SPATA17: variants seen among roughly 807,000 people sequenced by gnomAD.
The protein encoded by SPATA17 is spermatogenesis-associated protein 17.
A neutral mutation model predicts 62.2 loss-of-function variants in SPATA17; 53 were observed. The observed-to-expected ratio is 0.85, with a 90% CI of 0.68 to 1.07. The LOEUF is 1.07. SPATA17 is among the 50% of genes least tolerant of loss of function. SPATA17 has a pLI of 0.00. For synonymous variants in SPATA17, 146 were observed against 146.8 expected, an observed-to-expected ratio of 0.99 and a Z score of 0.04; for missense variants, 466 against 425.5, an observed-to-expected ratio of 1.10 and a Z score of -0.84.
At chr1:217,687,996 T>A (rs939143731) in intron 5 of SPATA17, among the ~76,000 whole-genome samples, 1 of 152,204 alleles carries the variant, frequency 6.6e-6, no homozygotes, top group Admixed American at 6.5e-5. Flanking sequence ...TTAAAAAACA[T>A]CATACATATT....
chr1:217,672,345 G>T (rs1261621506), intron 4 of SPATA17, among the ~76,000 whole-genome samples: 2 of 152,174 alleles, frequency 1.3e-5, no homozygotes, highest in African/African-American at 4.8e-5. Context: ...AAGGGTAACA[G>T]ATAACTACCA....
intron 9 of SPATA17, among the ~76,000 whole-genome samples, chr1:217,829,454 C>A (rs2103001022): frequency 6.6e-6 from 1 of 151,176 alleles, no homozygotes; most frequent in Non-Finnish European, 1.5e-5. Flanking sequence ...ATGGTGAAAC[C>A]CCGTCTCTAC....
chr1:217,754,447 G>A (rs74144407), intron 6 of SPATA17, among the ~76,000 whole-genome samples: 3,455 of 152,158 alleles, frequency 0.023, 141 homozygotes, highest in African/African-American at 0.08. Flanking sequence ...AAGAAATGGG[G>A]CTGTAATAGT....
intron 3 of SPATA17, among the ~76,000 whole-genome samples, chr1:217,664,777 A>T (rs1434827026): frequency 6.6e-6 from 1 of 152,180 alleles, no homozygotes; most frequent in East Asian, 1.9e-4. Context: ...AGTTCATCCT[A>T]CTGGTTTGAA....
intron 5 of SPATA17, among the ~76,000 whole-genome samples, chr1:217,685,707 T>C (rs1364782920): frequency 6.6e-6 from 1 of 152,170 alleles, no homozygotes; most frequent in Non-Finnish European, 1.5e-5. Flanking sequence ...AATTATTCTT[T>C]TGAATTTTCA....
chr1:217,746,606 TATACTC>T (rs1672758529), intron 6 of SPATA17, among the ~76,000 whole-genome samples: 1 of 151,770 alleles, frequency 6.6e-6, no homozygotes, highest in Non-Finnish European at 1.5e-5. Flanking sequence ...GATATACTCA[TATACTC>T]ATATGCTGAT....
At chr1:217,664,037 C>A (rs1395606235) in intron 3 of SPATA17, among the ~76,000 whole-genome samples, 2 of 151,408 alleles carry the variant, frequency 1.3e-5, no homozygotes, top group Non-Finnish European at 2.9e-5. Flanking sequence ...ATAAATTAAG[C>A]CTCCAGGGCT....
At chr1:217,824,619 T>A (rs1023757255) in intron 9 of SPATA17, among the ~76,000 whole-genome samples, 3 of 151,072 alleles carry the variant, frequency 2.0e-5, no homozygotes, top group Non-Finnish European at 4.4e-5. Flanking sequence ...TTGTATATTT[T>A]AGGAACTTTT....
chr1:217,797,047 A>G (rs1278065681), intron 8 of SPATA17, among the ~76,000 whole-genome samples: 1 of 152,142 alleles, frequency 6.6e-6, no homozygotes, highest in African/African-American at 2.4e-5. Flanking sequence ...CAATTGTAAA[A>G]CATGTCTCAT....
intron 4 of SPATA17, among the ~76,000 whole-genome samples, chr1:217,675,190 T>C (rs1421980459): frequency 6.6e-6 from 1 of 152,180 alleles, no homozygotes; most frequent in East Asian, 1.9e-4. Flanking sequence ...AGATTAGTAA[T>C]GTTCCAAGAG....
intron 1 of SPATA17, among the ~76,000 whole-genome samples, chr1:217,646,625 G>A (rs566253799): frequency 6.6e-6 from 1 of 151,968 alleles, no homozygotes; most frequent in Non-Finnish European, 1.5e-5. Flanking sequence ...AGCTGAGCAC[G>A]GTGGCTCACA....
In SPATA17 at chr1:217,696,447, C is replaced by T. The variant is rs1001820305; in HGVS notation, c.395+13086C>T. ...CTCAGATGGAAATGCAGAAATCACC[C>T]GTCTTCTGCGTCGCTCCGCTCACGC... On this transcript the variant is annotated intron_variant, in intron 5 of 10. Transcript: ENST00000366933. Among the ~76,000 whole-genome samples, 8 of 152,302 alleles carry T rather than the reference C, an allele frequency of 5.3e-5. No individual in the cohort carries two copies. The South Asian group carries it at 8.3e-4, about 16-fold the overall frequency.
chr1:217,798,891 T>TTC (rs1558055637), intron 8 of SPATA17, among the ~76,000 whole-genome samples: 2 of 148,422 alleles, frequency 1.3e-5, no homozygotes, highest in African/African-American at 2.5e-5. Flanking sequence ...TTTTTTTTTT[T>TTC]CTGAGACGGA....
At chr1:217,678,821 T>G (rs1211346567) in intron 4 of SPATA17, among the ~76,000 whole-genome samples, 3 of 152,210 alleles carry the variant, frequency 2.0e-5, no homozygotes, top group Non-Finnish European at 2.9e-5. Context: ...TGTTTAAAAT[T>G]ATCTATTCAG....
chr1:217,710,731 T>A (rs1231250904), intron 5 of SPATA17, among the ~76,000 whole-genome samples: 1 of 152,168 alleles, frequency 6.6e-6, no homozygotes, highest in African/African-American at 2.4e-5. Context: ...ACTATGGATT[T>A]TAGTACATTT....
intron 1 of SPATA17, among the ~76,000 whole-genome samples, chr1:217,639,464 T>C (rs928176137): frequency 1.3e-5 from 2 of 151,870 alleles, no homozygotes; most frequent in Non-Finnish European, 1.5e-5. Flanking sequence ...AAAAATTAAA[T>C]TGGAACAAAG....
intron 3 of SPATA17, among the ~76,000 whole-genome samples, chr1:217,666,254 T>A (rs1670692670): frequency 6.6e-6 from 1 of 152,176 alleles, no homozygotes; most frequent in South Asian, 2.1e-4. Context: ...GTTATTAACA[T>A]TCCGTAGGTA....
chr1:217,862,051 C>A (rs887812456), intron 9 of SPATA17, among the ~76,000 whole-genome samples: 2 of 150,866 alleles, frequency 1.3e-5, no homozygotes, highest in Admixed American at 1.3e-4. Context: ...TAGGTCTTTT[C>A]TCCTATGTTT....
chr1:217,772,571 A>C (rs1673476645), intron 6 of SPATA17, among the ~76,000 whole-genome samples: 1 of 152,204 alleles, frequency 6.6e-6, no homozygotes, highest in Non-Finnish European at 1.5e-5. Flanking sequence ...ATATTCTTTG[A>C]AAGCAGTCAA....
Sources: allele counts gnomAD v4.1 joint callset (sites outside exome capture counted in the v4.1 genomes callset), GRCh38; gene constraint gnomAD v4.1.1; transcripts MANE v1.5; gene names NCBI Gene and HGNC (gene_info 2026-07-23, HGNC 2026-07-21).